The following FGF14 variants were observed in gnomAD, a reference collection of about 807,000 sequenced individuals.
The protein encoded by FGF14 is fibroblast growth factor homologous factor 4.
Under a neutral mutation model 25.5 loss-of-function variants are expected in FGF14, and 5 were observed. That is an observed-to-expected ratio of 0.20 (90% CI 0.10 to 0.41). The LOEUF (loss-of-function observed/expected upper bound fraction) is 0.41, where lower values mean the gene tolerates loss of function less well. Ranked by LOEUF, FGF14 falls within the 10% of genes least tolerant of loss-of-function variation. The pLI is 1.00. For missense variants in FGF14, 222 were observed against 320.1 expected (o/e 0.69, Z 2.34); for synonymous variants, 138 against 118.3 (o/e 1.17, Z -1.08).
chr13:102,287,738 CCATTT>C (rs2054177458), intron 1 of FGF14, among the ~76,000 whole-genome samples: 1 of 152,168 alleles, frequency 6.6e-6, no homozygotes, highest in Non-Finnish European at 1.5e-5. Flanking sequence ...CAATATTATT[CCATTT>C]ACTTCCATGC....
chr13:102,095,734 T>C (rs529384), intron 1 of FGF14, among the ~76,000 whole-genome samples: 5,004 of 152,218 alleles, frequency 0.033, 268 homozygotes, highest in African/African-American at 0.11. Context: ...TTTCTATTCT[T>C]ATAATTTTCT....
rs144977883 is a variant in FGF14, at chr13:102,284,911, T to TTC, written c.208+116558_208+116559dup. The stretch of plus-strand genomic sequence containing the variant: ...CACCCTGTCATTCTTCCTTTTCTAT[T>TTC]TCTCTCTCTCTCTCCCCCTCCGTCT... On this transcript the variant is annotated intron_variant, in intron 1 of 4. Transcript: ENST00000376131. Among the ~76,000 whole-genome samples the TTC allele has an allele frequency of 8.6e-3, 1,311 of 151,604 alleles. 8 individuals are homozygous for TTC. Among genetic ancestry groups the TTC allele is most frequent in the Non-Finnish European group, 0.012 (791 of 67,790 alleles).
chr13:102,316,912 A>G lies in FGF14; in HGVS notation c.208+84559T>C, dbSNP rs539175874. Among the ~76,000 whole-genome samples the G allele has an allele frequency of 4.0e-4, 61 of 152,272 alleles. No individual in the cohort carries two copies. In the South Asian group the frequency reaches 0.012, roughly 31 times the overall value. ...ATGCTGGCATCTTTCAGGATGATTG[A>G]GATGTGGAAAGAGTAGCTCTGACAT... On this transcript the variant is annotated intron_variant, in intron 1 of 4. Coordinates refer to the FGF14 transcript ENST00000376131.
In FGF14 at chr13:102,052,888, ACTGT is replaced by A. The variant is rs2042275955; in HGVS notation, c.209-177596_209-177593del. Among the ~76,000 whole-genome samples the A allele has an allele frequency of 2.6e-5, 4 of 152,262 alleles. No individual in the cohort carries two copies. In the South Asian group the frequency reaches 8.3e-4, roughly 32 times the overall value. ...AGCAGTTAATTTGGAGTACTCTAAT[ACTGT>A]AATAGTGGTGTGTACATCACTTATG... On this transcript the variant is annotated intron_variant, in intron 1 of 4. Transcript: ENST00000376131.
At chr13:102,268,847 T>C (rs1466111678) in intron 1 of FGF14, among the ~76,000 whole-genome samples, 2 of 152,182 alleles carry the variant, frequency 1.3e-5, no homozygotes, top group Non-Finnish European at 2.9e-5. Flanking sequence ...AATCTTTTGA[T>C]AAGTTTAATG....
chr13:101,748,186 C>T (rs2037016387), intron 3 of FGF14, among the ~76,000 whole-genome samples: 1 of 151,888 alleles, frequency 6.6e-6, no homozygotes, highest in Non-Finnish European at 1.5e-5. Flanking sequence ...TATAACAACA[C>T]TACTCAAAAT....
At chr13:101,779,395 A>G (rs1184113141) in intron 3 of FGF14, among the ~76,000 whole-genome samples, 1 of 152,180 alleles carries the variant, frequency 6.6e-6, no homozygotes, top group Non-Finnish European at 1.5e-5. Context: ...ATAGTCAAAA[A>G]CCAACAGCAA....
At chr13:102,363,897 G>A (rs1490642015) in intron 1 of FGF14, among the ~76,000 whole-genome samples, 1 of 152,132 alleles carries the variant, frequency 6.6e-6, no homozygotes, top group African/African-American at 2.4e-5. Flanking sequence ...GCAGGATCCG[G>A]TCAAGCATCT....
intron 3 of FGF14, among the ~76,000 whole-genome samples, chr13:101,841,038 T>C (rs777603597): frequency 6.6e-6 from 1 of 151,958 alleles, no homozygotes; most frequent in Non-Finnish European, 1.5e-5. Context: ...GGATTAATTA[T>C]GTTTTCCTGT....
chr13:101,981,295 A>C (rs1236781805), intron 1 of FGF14, among the ~76,000 whole-genome samples: 1 of 152,062 alleles, frequency 6.6e-6, no homozygotes, highest in Non-Finnish European at 1.5e-5. Flanking sequence ...AATAAAAATA[A>C]AAGAGGCCCC....
intron 1 of FGF14, among the ~76,000 whole-genome samples, chr13:101,879,785 C>T (rs2045598670): frequency 6.6e-6 from 1 of 151,984 alleles, no homozygotes; most frequent in Non-Finnish European, 1.5e-5. Context: ...AGGGTAAAAA[C>T]AACTTTTGTA....
intron 1 of FGF14, among the ~76,000 whole-genome samples, chr13:101,929,641 C>T (rs2034615872): frequency 6.6e-6 from 1 of 152,174 alleles, no homozygotes; most frequent in Non-Finnish European, 1.5e-5. Context: ...TCTTCCCATG[C>T]TTTTCTATTA....
intron 3 of FGF14, among the ~76,000 whole-genome samples, chr13:101,848,978 C>T (rs1434082239): frequency 6.6e-6 from 1 of 151,924 alleles, no homozygotes. Flanking sequence ...GTGTATTGGA[C>T]TTGTATTTTT....
chr13:101,863,989 C>T (rs985854829), intron 3 of FGF14, among the ~76,000 whole-genome samples: 22 of 151,996 alleles, frequency 1.4e-4, no homozygotes, highest in Admixed American at 5.3e-4. Context: ...GTAGAAGAGG[C>T]TCATTTGAAA....
intron 1 of FGF14, among the ~76,000 whole-genome samples, chr13:101,929,363 A>G (rs2034591088): frequency 6.6e-6 from 1 of 152,200 alleles, no homozygotes; most frequent in Non-Finnish European, 1.5e-5. Context: ...GTCAAAATAG[A>G]GGAACCCTGA....
chr13:102,314,952 ATATAT>A (rs981570581), intron 1 of FGF14, among the ~76,000 whole-genome samples: 3 of 148,860 alleles, frequency 2.0e-5, no homozygotes, highest in Non-Finnish European at 3.0e-5. Context: ...TATTATATTA[ATATAT>A]TATATAACAT....
intron 1 of FGF14, among the ~76,000 whole-genome samples, chr13:101,922,067 A>T (rs1000522826): frequency 6.6e-6 from 1 of 152,154 alleles, no homozygotes. Context: ...CAGTGTTTAA[A>T]ATGGTGCCAG....
rs774077993 is a variant in FGF14 at position 101,719,743 on chromosome 13, A to T, written c.*3088T>A. The T allele has an allele frequency of 3.3e-5, 5 of 152,122 alleles. No homozygotes were observed. The highest frequency in any genetic ancestry group is 6.6e-5 in the Admixed American group (1 of 15,246). 9.4% of individuals were successfully genotyped at this position (152,122 alleles called of 1,614,324 possible). ...ATTATAGAGACTTGATACAATGGAC[A>T]TATGCACATGGAGGTACAAAACACA... is the stretch of plus-strand genomic sequence containing the variant. On this transcript the variant is annotated 3_prime_UTR_variant, in exon 5 of 5. Transcript: ENST00000376143.
At chr13:102,209,871 A>G (rs2050089845) in intron 1 of FGF14, among the ~76,000 whole-genome samples, 1 of 152,204 alleles carries the variant, frequency 6.6e-6, no homozygotes, top group Non-Finnish European at 1.5e-5. Context: ...AAGAGAGGAA[A>G]GACAAATATA....
Sources: gnomAD v4.1 joint callset for allele counts (sites outside exome capture counted in the v4.1 genomes callset) on GRCh38, gnomAD v4.1.1 for gene constraint, MANE v1.5 for transcripts, NCBI Gene and HGNC (gene_info 2026-07-23, HGNC 2026-07-21) for gene names.